The following DACT2 variants were observed in gnomAD, a reference collection of about 807,000 sequenced individuals.
The protein encoded by DACT2 is dishevelled binding antagonist of beta catenin 2.
DACT2 carries 20 observed loss-of-function variants against 22.2 expected under a neutral mutation model. The observed-to-expected ratio is 0.90, with a 90% CI of 0.63 to 1.31. The LOEUF (loss-of-function observed/expected upper bound fraction) is 1.31. DACT2 is among the 50% of genes most tolerant of loss of function. The probability of loss-of-function intolerance (pLI) is 0.00; values close to 1 mark genes in which losing one functional copy is unlikely to be tolerated. For synonymous variants in DACT2, 463 were observed against 479.8 expected, an observed-to-expected ratio of 0.96 and a Z score of 0.46; for missense variants, 1,048 against 1,061.4, an observed-to-expected ratio of 0.99 and a Z score of 0.18.
chr6:168,310,596 G>T, intron 2 of DACT2, 150 bp from the exon 3 acceptor site: 1 of 1,122,956 alleles, frequency 8.9e-7, no homozygotes, highest in Non-Finnish European at 1.2e-6. Context: ...CACACGGCCG[G>T]CCTGGGAGAG....
Position 168,319,320 on chromosome 6 carries a change from G to A in DACT2, c.246+68C>T, listed in dbSNP as rs1192849421. The A allele has an allele frequency of 3.4e-6, 4 of 1,167,550 alleles. No individual in the cohort carries two copies. The African/African-American group carries it at 6.5e-5, about 19-fold the overall frequency. The allele number at this position is 1,167,550 out of a possible 1,614,324, so 72.3% of individuals were successfully genotyped here. ...ACCCCCGTCCCACTAACACACAGTC[G>A]CTGCCGAAGGAGCAGCGCCTGTGGC... On this transcript the variant is annotated intron_variant, in intron 1 of 3. Transcript: ENST00000366795.
At chr6:168,301,134 C>T (rs1423943709) in intron 3 of DACT2, among the ~76,000 whole-genome samples, 2 of 152,222 alleles carry the variant, frequency 1.3e-5, no homozygotes, top group African/African-American at 4.8e-5. Context: ...GTGACAGCGG[C>T]CAGCGACCGG....
chr6:168,306,013 T>G (rs1779197183), downstream of DACT2, among the ~76,000 whole-genome samples: 1 of 152,186 alleles, frequency 6.6e-6, no homozygotes, highest in Admixed American at 6.5e-5. Context: ...GCCTCCACTG[T>G]CTTCACTGTC....
At chr6:168,305,119 T>A (rs34630065), downstream of DACT2, among the ~76,000 whole-genome samples, 2 of 151,770 alleles carry the variant, frequency 1.3e-5, no homozygotes, top group Non-Finnish European at 2.9e-5. Flanking sequence ...AGAGAGAGGA[T>A]GGAGAGACAA....
At chr6:168,304,722 G>C (rs984794824), downstream of DACT2, among the ~76,000 whole-genome samples, 22 of 152,286 alleles carry the variant, frequency 1.4e-4, no homozygotes, top group African/African-American at 2.4e-4. Context: ...AAATCCTGAG[G>C]AGCTATCAGC....
In DACT2 at chr6:168,308,354, T is replaced by G. The variant is rs750683098; in HGVS notation, c.1403A>C (p.Asp468Ala). The G allele has an allele frequency of 1.4e-5, 21 of 1,551,814 alleles. No homozygotes were observed. In the South Asian group the frequency reaches 1.7e-4, roughly 12 times the overall value. Residue 468 changes from aspartate (D) to alanine (A), a missense_variant, in exon 4 of 4, where the codon GAC (aspartate) becomes GCC (alanine). By Grantham distance (126) the Asp-to-Ala change is moderately radical. Transcript: ENST00000366795. ...GNIISPSRML[D>A]KSPSPASGHF... is the part of the protein sequence containing the mutation. ...CCCAGAGGCCGGTGAGGGGCTCTTG[T>G]CCAGCATCCTGGATGGGGATATGAT...
chr6:168,294,471 C>T (rs1319220805), intron 4 of DACT2, among the ~76,000 whole-genome samples: 3 of 149,664 alleles, frequency 2.0e-5, no homozygotes, highest in African/African-American at 2.5e-5. Context: ...CCTCCCCGCT[C>T]CCCCCACCCC....
chr6:168,303,581 C>G (rs976064716), downstream of DACT2, among the ~76,000 whole-genome samples: 1 of 152,298 alleles, frequency 6.6e-6, no homozygotes, highest in Non-Finnish European at 1.5e-5. Flanking sequence ...TTATCAGATG[C>G]CACTGCCTGT....
exon 6 of DACT2, chr6:168,293,723 C>T: frequency 3.2e-6 from 2 of 628,276 alleles, no homozygotes; most frequent in South Asian, 1.8e-5. Flanking sequence ...GCAGTCCTTT[C>T]TGGACACTTC....
intron 4 of DACT2, chr6:168,294,301 G>C (rs1023454554): frequency 5.7e-6 from 4 of 697,770 alleles, no homozygotes; most frequent in Non-Finnish European, 1.0e-5. Flanking sequence ...TAGGTGTGAG[G>C]ACACAGAGGA....
In DACT2 at chr6:168,308,754, C is replaced by A. The variant is rs766679635; in HGVS notation, c.1003G>T (p.Asp335Tyr). Residue 335 changes from aspartate (D) to tyrosine (Y), a missense_variant, in exon 4 of 4, where the codon GAC becomes TAC. Asp to Tyr is a radical substitution (Grantham distance 160). Coordinates refer to ENST00000366795, the MANE Select transcript of DACT2 (RefSeq NM_214462.5). ...AGPARARAYI[D>Y]RLLHLWGRET... ...CGGCCCCACAGATGCAGCAACCTGT[C>A]GATATAAGCTCTGGCCCTGGCCGGG... 6.4e-7 allele frequency: 1 copy of A among 1,551,418 alleles called. No individual in the cohort carries two copies. The highest frequency in any genetic ancestry group is 8.7e-7 in the Non-Finnish European group (1 of 1,147,024).
chr6:168,307,538 A>G lies in DACT2; in HGVS notation c.2219T>C (p.Leu740Pro). ...GCACAGCTTGGGCACGGGGGACAGG[A>G]GTGGCCCCGAGCTGACCGGGGCCTC... ...TQEAPVSSGP[L>P]LSPVPKLCRI... The change falls in exon 4 of 4, where the codon CTC becomes CCC. Residue 740 changes from leucine to proline, a missense_variant. By Grantham distance (98) the Leu-to-Pro change is moderately conservative. Coordinates refer to ENST00000366795, the MANE Select transcript of DACT2 (RefSeq NM_214462.5). This position sits in a 1 kb window ranked among gnomAD's most constrained non-coding sequence, Gnocchi z 5.3. 1.3e-6 allele frequency: 2 copies of G among 1,551,388 alleles called. No homozygotes were observed. Among genetic ancestry groups the G allele is most frequent in the South Asian group, 2.4e-5 (2 of 84,048 alleles).
At chr6:168,303,574 T>A (rs1779148165), downstream of DACT2, among the ~76,000 whole-genome samples, 1 of 152,216 alleles carries the variant, frequency 6.6e-6, no homozygotes, top group Non-Finnish European at 1.5e-5. Context: ...AAAGGCCTTA[T>A]CAGATGCCAC....
Position 168,311,211 on chromosome 6 carries a change from T to C in DACT2, c.320A>G (p.Gln107Arg). ...CCCTGAGGCTGTGCCCACATCCAGCTGCAGCTTGCTAATCTGCAGGTCCAG... is the reference window on the plus strand; with the variant it reads ...CCCTGAGGCTGTGCCCACATCCAGCCGCAGCTTGCTAATCTGCAGGTCCAG... ...DQLDLQISKL[Q>R]LDVGTASGEA... is the part of the protein sequence containing the mutation. The change falls in exon 2 of 4, where the codon CAG (glutamine) becomes CGG (arginine). Residue 107 changes from glutamine to arginine, a missense_variant. Coordinates refer to ENST00000366795, the MANE Select transcript of DACT2 (RefSeq NM_214462.5). The C allele has an allele frequency of 6.4e-7, 1 of 1,550,390 alleles. No homozygotes were observed. Among genetic ancestry groups the C allele is most frequent in the South Asian group, 1.2e-5 (1 of 84,038 alleles).
Position 168,308,999 on chromosome 6 carries a change from A to G in DACT2, c.758T>C (p.Leu253Pro). Residue 253 changes from leucine (L) to proline (P), a missense_variant, in exon 4 of 4, where the codon CTG (leucine) becomes CCG (proline). Coordinates refer to ENST00000366795, the MANE Select transcript of DACT2 (RefSeq NM_214462.5). Reference sequence around the variant, plus strand: ...CCGATACTTGGGGTCCGGCACGTGCAGCGGGATATCCACCCCCTGGCAGAG... The same window carrying G: ...CCGATACTTGGGGTCCGGCACGTGCGGCGGGATATCCACCCCCTGGCAGAG... ...GLLCQGVDIP[L>P]HVPDPKYRQD... 6.5e-6 allele frequency: 10 copies of G among 1,548,872 alleles called. No homozygotes were observed. The highest frequency in any genetic ancestry group is 8.7e-6 in the Non-Finnish European group (10 of 1,146,964).
At chr6:168,303,404 T>C (rs543079989), downstream of DACT2, among the ~76,000 whole-genome samples, 4 of 152,308 alleles carry the variant, frequency 2.6e-5, no homozygotes. Flanking sequence ...CCCTCAGAGC[T>C]AAGTGAGTTC....
chr6:168,310,390 C>G lies in DACT2; in HGVS notation c.436G>C (p.Val146Leu). 1 of 1,551,606 alleles carries G rather than the reference C, an allele frequency of 6.4e-7. No homozygotes were observed. Among genetic ancestry groups the G allele is most frequent in the Non-Finnish European group, 8.7e-7 (1 of 1,146,938 alleles). ...SCSLSTSCAS[V>L]CSDHISPSLG... Reference sequence around the variant, plus strand: ...GAGGGAGAGATGTGGTCACTGCAGACGGAGGCACAGGACGTGGACAGGGAG... The same window carrying G: ...GAGGGAGAGATGTGGTCACTGCAGAGGGAGGCACAGGACGTGGACAGGGAG... The change falls in exon 3 of 4, where the codon GTC becomes CTC. Residue 146 changes from valine to leucine, a missense_variant. By Grantham distance (32) the Val-to-Leu change is conservative. Coordinates refer to ENST00000366795, the MANE Select transcript of DACT2 (RefSeq NM_214462.5).
intron 1 of DACT2, among the ~76,000 whole-genome samples, chr6:168,311,559 C>CACACACACACACACACCCA (rs61336797): frequency 2.4e-5 from 2 of 82,976 alleles, no homozygotes; most frequent in South Asian, 4.6e-4. Flanking sequence ...CATACACACA[C>CACACACACACACACACCCA]TCACACACAA....
intron 1 of DACT2, among the ~76,000 whole-genome samples, chr6:168,313,082 T>A (rs965549276): frequency 8.5e-5 from 13 of 152,206 alleles, no homozygotes; most frequent in African/African-American, 3.1e-4. Flanking sequence ...AGTCTCGCTC[T>A]GTCCTCCAGG....
Sources: gnomAD v4.1 joint callset for allele counts (sites outside exome capture counted in the v4.1 genomes callset) on GRCh38, gnomAD v4.1.1 for gene constraint, Gnocchi (gnomAD v3.1) non-coding constraint, MANE v1.5 for transcripts, NCBI Gene and HGNC (gene_info 2026-07-23, HGNC 2026-07-21) for gene names.